The following TWSG1 variants were observed in gnomAD, a reference collection of about 807,000 sequenced individuals.
The protein encoded by TWSG1 is twisted gastrulation BMP signaling modulator 1.
Under a neutral mutation model 23.0 loss-of-function variants are expected in TWSG1, and 15 were observed. The observed-to-expected ratio is 0.65, with a 90% CI of 0.44 to 1.00. The LOEUF is 1.00. Ranked by LOEUF, TWSG1 falls within the 50% of genes least tolerant of loss-of-function variation. TWSG1 has a pLI of 0.00. For missense variants in TWSG1, 242 were observed against 278.7 expected (o/e 0.87, Z 0.94); for synonymous variants, 86 against 92.8 (o/e 0.93, Z 0.42).
intron 3 of TWSG1, among the ~76,000 whole-genome samples, chr18:9,364,541 C>G (rs2040568530): frequency 6.6e-6 from 1 of 152,116 alleles, no homozygotes; most frequent in African/African-American, 2.4e-5. Flanking sequence ...GCGTATAATC[C>G]CAGCACTTTG....
intron 2 of TWSG1, among the ~76,000 whole-genome samples, chr18:9,338,409 A>T (rs2040431947): frequency 6.6e-6 from 1 of 152,214 alleles, no homozygotes; most frequent in Non-Finnish European, 1.5e-5. Context: ...GAATATAATG[A>T]ACCATCCATG....
chr18:9,386,195 C>T (rs528358578), intron 3 of TWSG1, among the ~76,000 whole-genome samples: 2 of 149,724 alleles, frequency 1.3e-5, no homozygotes, highest in Non-Finnish European at 3.0e-5. Context: ...TGTGGTGGCT[C>T]ACACCTGTAA....
intron 3 of TWSG1, among the ~76,000 whole-genome samples, chr18:9,380,382 A>T (rs774951045): frequency 6.6e-6 from 1 of 152,184 alleles, no homozygotes; most frequent in African/African-American, 2.4e-5. Flanking sequence ...TCAAGGGTCC[A>T]TGCTCCGTGA....
chr18:9,374,508 T>C (rs1288845125), intron 3 of TWSG1, among the ~76,000 whole-genome samples: 4 of 152,228 alleles, frequency 2.6e-5, no homozygotes, highest in Non-Finnish European at 4.4e-5. Context: ...TTCAAACCTA[T>C]ATTTTTTAAA....
intron 2 of TWSG1, among the ~76,000 whole-genome samples, chr18:9,341,704 A>G (rs2040447010): frequency 6.6e-6 from 1 of 152,106 alleles, no homozygotes; most frequent in South Asian, 2.1e-4. Flanking sequence ...CAATATATTT[A>G]AGGTTTTCTA....
At chr18:9,343,912 TA>T (rs1555650719) in intron 2 of TWSG1, among the ~76,000 whole-genome samples, 1 of 152,218 alleles carries the variant, frequency 6.6e-6, no homozygotes, top group Non-Finnish European at 1.5e-5. Context: ...TTTTAAGAGA[TA>T]AACTGTGTTA....
chr18:9,336,956 C>T (rs978458136), intron 1 of TWSG1, among the ~76,000 whole-genome samples: 1 of 152,094 alleles, frequency 6.6e-6, no homozygotes, highest in Non-Finnish European at 1.5e-5. Context: ...TGTCTGTAGT[C>T]CCAGATAACT....
chr18:9,395,227 C>T (rs1432937875), intron 3 of TWSG1, among the ~76,000 whole-genome samples: 21 of 152,198 alleles, frequency 1.4e-4, no homozygotes, highest in Admixed American at 1.4e-3. Context: ...ACATCACCAC[C>T]TCCCATCACT....
chr18:9,336,966 TGGGA>T (rs1319444385), intron 1 of TWSG1, among the ~76,000 whole-genome samples: 1 of 152,176 alleles, frequency 6.6e-6, no homozygotes, highest in Non-Finnish European at 1.5e-5. Flanking sequence ...CCCAGATAAC[TGGGA>T]GGCTGAGGTG....
intron 2 of TWSG1, among the ~76,000 whole-genome samples, chr18:9,341,445 C>T (rs1039297025): frequency 2.0e-5 from 3 of 152,192 alleles, no homozygotes; most frequent in Middle Eastern, 3.4e-3. Context: ...CATTCTATTA[C>T]CCTGGGAAAA....
At chr18:9,340,912 A>G (rs2040444003) in intron 2 of TWSG1, among the ~76,000 whole-genome samples, 1 of 152,258 alleles carries the variant, frequency 6.6e-6, no homozygotes, top group African/African-American at 2.4e-5. Flanking sequence ...ACTAGTGGCC[A>G]CGTATTGGAC....
At chr18:9,360,708 A>G (rs1449417629) in intron 3 of TWSG1, among the ~76,000 whole-genome samples, 2 of 152,208 alleles carry the variant, frequency 1.3e-5, no homozygotes, top group Non-Finnish European at 2.9e-5. Flanking sequence ...CCTTAAGAAC[A>G]GGAATATCAT....
intron 3 of TWSG1, among the ~76,000 whole-genome samples, chr18:9,392,270 A>G (rs1051776252): frequency 5.9e-5 from 9 of 152,378 alleles, no homozygotes; most frequent in East Asian, 1.9e-4. Flanking sequence ...ACCTTCACCA[A>G]TGACTTAGCT....
At chr18:9,373,104 T>C (rs1363976071) in intron 3 of TWSG1, among the ~76,000 whole-genome samples, 1 of 152,170 alleles carries the variant, frequency 6.6e-6, no homozygotes, top group African/African-American at 2.4e-5. Flanking sequence ...TGAGAACAGC[T>C]ATATTAATTT....
chr18:9,340,143 C>A (rs1456420704), intron 2 of TWSG1, among the ~76,000 whole-genome samples: 1 of 151,840 alleles, frequency 6.6e-6, no homozygotes, highest in Admixed American at 6.6e-5. Flanking sequence ...CCGAGGCGGG[C>A]GGATCACAAG....
intron 3 of TWSG1, among the ~76,000 whole-genome samples, chr18:9,370,997 T>A (rs904424377): frequency 6.6e-6 from 1 of 151,864 alleles, no homozygotes; most frequent in Non-Finnish European, 1.5e-5. Context: ...GGTGTTTCTC[T>A]GAGAAACTGA....
chr18:9,360,870 A>G (rs2040549617), intron 3 of TWSG1, among the ~76,000 whole-genome samples: 1 of 152,186 alleles, frequency 6.6e-6, no homozygotes, highest in African/African-American at 2.4e-5. Context: ...TCAGCGTTGC[A>G]CTGCTTCCAT....
chr18:9,350,012 C>T (rs564574098), intron 2 of TWSG1, among the ~76,000 whole-genome samples: 24 of 152,070 alleles, frequency 1.6e-4, no homozygotes, highest in Middle Eastern at 3.4e-3. Context: ...TGGTGGCGTG[C>T]ACCTGTAATC....
At chr18:9,345,255 C>G (rs2040471689) in intron 2 of TWSG1, among the ~76,000 whole-genome samples, 1 of 152,154 alleles carries the variant, frequency 6.6e-6, no homozygotes. Flanking sequence ...TCCAATGTTT[C>G]TGTTTTTTTC....
Sources: gnomAD v4.1 joint callset for allele counts (sites outside exome capture counted in the v4.1 genomes callset) on GRCh38, gnomAD v4.1.1 for gene constraint, MANE v1.5 for transcripts, NCBI Gene and HGNC (gene_info 2026-07-23, HGNC 2026-07-21) for gene names.